NLGN1: variants seen among roughly 807,000 people sequenced by gnomAD.
The protein encoded by NLGN1 is neuroligin-1.
A neutral mutation model predicts 65.5 loss-of-function variants in NLGN1; 12 were observed. The ratio of observed to expected loss-of-function variants is 0.18; its 90% CI spans 0.12 to 0.30. The LOEUF is 0.30. Ranked by LOEUF, NLGN1 falls within the 10% of genes least tolerant of loss-of-function variation. The pLI is 1.00. For missense variants in NLGN1, 750 were observed against 1,007.1 expected (o/e 0.74, Z 3.46); for synonymous variants, 350 against 359.5 (o/e 0.97, Z 0.30).
intron 4 of NLGN1, among the ~76,000 whole-genome samples, chr3:174,100,310 C>T (rs948514574): frequency 6.6e-6 from 1 of 151,744 alleles, no homozygotes; most frequent in African/African-American, 2.4e-5. Context: ...ATTTTAGCTA[C>T]TCTATAATGT....
intron 4 of NLGN1, among the ~76,000 whole-genome samples, chr3:173,947,358 G>A (rs1747386334): frequency 6.6e-6 from 1 of 152,058 alleles, no homozygotes; most frequent in South Asian, 2.1e-4. Flanking sequence ...ACATACAATA[G>A]TGATAAGAAC....
At chr3:173,652,677 G>A (rs1169560975) in intron 3 of NLGN1, among the ~76,000 whole-genome samples, 1 of 152,170 alleles carries the variant, frequency 6.6e-6, no homozygotes, top group Non-Finnish European at 1.5e-5. Flanking sequence ...GTCAGGTAAT[G>A]TGTTGCTTCC....
intron 4 of NLGN1, among the ~76,000 whole-genome samples, chr3:174,190,932 TG>T (rs1732276535): frequency 6.6e-6 from 1 of 152,060 alleles, no homozygotes; most frequent in Non-Finnish European, 1.5e-5. Context: ...AGGGTTTGAC[TG>T]GGGGCCGAGA....
At chr3:173,895,132 G>C (rs1047629300) in intron 4 of NLGN1, among the ~76,000 whole-genome samples, 4 of 152,088 alleles carry the variant, frequency 2.6e-5, no homozygotes, top group African/African-American at 9.7e-5. Flanking sequence ...CTACTGAGGA[G>C]AGTCCCCAGC....
intron 4 of NLGN1, among the ~76,000 whole-genome samples, chr3:173,958,621 G>A (rs1712734802): frequency 1.3e-5 from 2 of 152,144 alleles, no homozygotes; most frequent in South Asian, 4.1e-4. Context: ...GCCATGGGTT[G>A]GAAAAAGCAC....
intron 3 of NLGN1, among the ~76,000 whole-genome samples, chr3:173,749,466 T>C (rs1776012227): frequency 6.6e-6 from 1 of 152,070 alleles, no homozygotes; most frequent in Non-Finnish European, 1.5e-5. Context: ...TTTGGTTACA[T>C]GATGTGAGCA....
chr3:174,086,368 GA>G (rs1743399699), intron 4 of NLGN1, among the ~76,000 whole-genome samples: 1 of 33,684 alleles, frequency 3.0e-5, no homozygotes, highest in South Asian at 9.3e-4. Context: ...TATATTATAT[GA>G]TTGTTAAACA....
intron 4 of NLGN1, among the ~76,000 whole-genome samples, chr3:174,046,687 A>G (rs1015753248): frequency 2.0e-5 from 3 of 152,150 alleles, no homozygotes; most frequent in African/African-American, 7.2e-5. Flanking sequence ...TTATAGTTCT[A>G]TCTCATAATG....
At chr3:173,851,968 A>G (rs1578788931) in intron 4 of NLGN1, among the ~76,000 whole-genome samples, 1 of 152,110 alleles carries the variant, frequency 6.6e-6, no homozygotes, top group Non-Finnish European at 1.5e-5. Flanking sequence ...GTAGTATGGA[A>G]AATCAGAGTG....
chr3:173,892,703 C>T (rs1735589276), intron 4 of NLGN1, among the ~76,000 whole-genome samples: 1 of 152,096 alleles, frequency 6.6e-6, no homozygotes, highest in African/African-American at 2.4e-5. Context: ...GGTTTCCATC[C>T]AGCTCTACAT....
At chr3:174,178,046 T>C (rs1417812240) in intron 4 of NLGN1, among the ~76,000 whole-genome samples, 1 of 152,078 alleles carries the variant, frequency 6.6e-6, no homozygotes, top group African/African-American at 2.4e-5. Context: ...TGCCTCCGTT[T>C]CTTGATCTGT....
rs919915147 is a variant in NLGN1 at position 173,532,047 on chromosome 3, A to G, written c.-320-72232A>G. ...TTCCTCTTCACTAGATTTCCTTTGA[A>G]TTTCCTTTAATTTGGCCTCTTAACT... On this transcript the variant is annotated intron_variant, in intron 2 of 6. Transcript: ENST00000457714. Among the ~76,000 whole-genome samples the G allele has an allele frequency of 1.3e-5, 2 of 152,210 alleles. 1 individual carries two copies. Among genetic ancestry groups the G allele is most frequent in the Middle Eastern group, 6.8e-3 (2 of 294 alleles).
At chr3:173,585,507 G>T (rs1747252974) in intron 2 of NLGN1, among the ~76,000 whole-genome samples, 2 of 149,268 alleles carry the variant, frequency 1.3e-5, no homozygotes, top group Non-Finnish European at 3.0e-5. Context: ...ACCCCTTCCC[G>T]CTTCCCGCTT....
intron 4 of NLGN1, among the ~76,000 whole-genome samples, chr3:174,241,538 C>T (rs1282595793): frequency 6.6e-6 from 1 of 151,234 alleles, no homozygotes; most frequent in South Asian, 2.1e-4. Flanking sequence ...CCTAATACTT[C>T]GTATATATAG....
chr3:174,102,934 A>G (rs1468706913), intron 4 of NLGN1, among the ~76,000 whole-genome samples: 1 of 152,170 alleles, frequency 6.6e-6, no homozygotes, highest in Non-Finnish European at 1.5e-5. Context: ...TGAACTGGTA[A>G]TGAGATTCCG....
At chr3:173,689,531 A>G (rs957002423) in intron 3 of NLGN1, among the ~76,000 whole-genome samples, 2 of 152,118 alleles carry the variant, frequency 1.3e-5, no homozygotes, top group African/African-American at 2.4e-5. Context: ...TTGACCCCAC[A>G]GTCTTTTCCT....
At chr3:173,593,479 T>A (rs1429036651) in intron 2 of NLGN1, among the ~76,000 whole-genome samples, 1 of 152,224 alleles carries the variant, frequency 6.6e-6, no homozygotes, top group Non-Finnish European at 1.5e-5. Flanking sequence ...TGGAAAAAAG[T>A]ACTGTGTGTT....
In NLGN1 at chr3:174,118,504, A is replaced by C. The variant is rs142868088; in HGVS notation, c.647-156811A>C. On this transcript the variant is annotated intron_variant, in intron 4 of 6. Coordinates refer to ENST00000457714, the Ensembl canonical transcript of NLGN1. ...GTAGTGATAAAAACTAAGGTTATATAACAATTTCAACATGTTGCAATAAAT... is the reference window on the plus strand; with the variant it reads ...GTAGTGATAAAAACTAAGGTTATATCACAATTTCAACATGTTGCAATAAAT... Among the ~76,000 whole-genome samples the C allele has an allele frequency of 5.9e-5, 9 of 152,282 alleles. No homozygotes were observed. The East Asian group carries it at 1.7e-3, about 29-fold the overall frequency.
At chr3:173,819,205 T>C (rs1260350700) in intron 4 of NLGN1, among the ~76,000 whole-genome samples, 3 of 152,142 alleles carry the variant, frequency 2.0e-5, no homozygotes, top group Non-Finnish European at 4.4e-5. Context: ...TCTATTCCCA[T>C]TGCTACTACC....
Sources: gnomAD v4.1 joint callset for allele counts (sites outside exome capture counted in the v4.1 genomes callset) on GRCh38, gnomAD v4.1.1 for gene constraint, MANE v1.5 for transcripts, NCBI Gene and HGNC (gene_info 2026-07-23, HGNC 2026-07-21) for gene names.